The following RAG1 variants were observed in gnomAD, a reference collection of about 807,000 sequenced individuals.
RAG1 encodes the protein recombination activating 1.
A neutral mutation model predicts 62.7 loss-of-function variants in RAG1; 35 were observed. The ratio of observed to expected loss-of-function variants is 0.56; its 90% CI spans 0.43 to 0.74. The LOEUF is 0.74. Ranked by LOEUF, RAG1 falls within the 30% of genes least tolerant of loss-of-function variation. The probability of loss-of-function intolerance (pLI) is 0.00; values close to 1 mark genes in which losing one functional copy is unlikely to be tolerated. For synonymous variants in RAG1, 461 were observed against 470.3 expected (o/e 0.98, Z 0.26); for missense variants, 1,169 against 1,278.6 (o/e 0.91, Z 1.31).
At chr11:36,511,020 C>A (rs331449) in exon 1 of RAG1, 1 of 152,130 alleles carries the variant, frequency 6.6e-6, no homozygotes, top group African/African-American at 2.4e-5. Context: ...GTTTTTCCTA[C>A]AATAAATGTG....
chr11:36,543,216 C>T (rs1317014636), intron 3 of RAG1, among the ~76,000 whole-genome samples: 1 of 152,186 alleles, frequency 6.6e-6, no homozygotes, highest in Non-Finnish European at 1.5e-5. Context: ...AGACCCCAGT[C>T]TCTGTGGACA....
At chr11:36,517,307 C>T (rs184111286) in intron 1 of RAG1, among the ~76,000 whole-genome samples, 1 of 152,188 alleles carries the variant, frequency 6.6e-6, no homozygotes, top group Admixed American at 6.5e-5. Context: ...CAAATTGTCT[C>T]TTGTGAGGCT....
chr11:36,577,297 TAC>T lies in RAG1; in HGVS notation c.*863_*864del, dbSNP rs1850866950. Reference sequence around the variant, plus strand: ...AGTTTCCAAATTTAGAGCTTCTGCATACAGTCTTAAAGCCACAGAGGCTTGTA... The same window carrying T: ...AGTTTCCAAATTTAGAGCTTCTGCATAGTCTTAAAGCCACAGAGGCTTGTA... On this transcript the variant is annotated 3_prime_UTR_variant, in exon 2 of 2. Transcript: ENST00000299440. The T allele has an allele frequency of 6.0e-6, 1 of 167,216 alleles. No homozygotes were observed. The highest frequency in any genetic ancestry group is 2.4e-5 in the African/African-American group (1 of 41,590). The allele number at this position is 167,216 out of a possible 1,614,324, so 10.4% of individuals were successfully genotyped here.
intron 1 of RAG1, among the ~76,000 whole-genome samples, chr11:36,568,584 T>C (rs1850692989): frequency 6.6e-6 from 1 of 152,224 alleles, no homozygotes; most frequent in Non-Finnish European, 1.5e-5. Context: ...CTCAAAATAT[T>C]CACTCATTTT....
Position 36,573,678 on chromosome 11 carries a change from GGA to G in RAG1, c.377_378del (p.Arg126IlefsTer10). 1 of 1,614,154 alleles carries G rather than the reference GGA, an allele frequency of 6.2e-7. No homozygotes were observed. The highest frequency in any genetic ancestry group is 8.5e-7 in the Non-Finnish European group (1 of 1,180,036). On this transcript the variant is annotated frameshift_variant, in exon 2 of 2. Transcript: ENST00000299440. LOFTEE classifies it high-confidence loss of function. ...TCTTTTAGAGCTGATGAGCACAACAGGAGATATCCAGTCCATGGTCCTGTGGA... is the reference window on the plus strand; with the variant it reads ...TCTTTTAGAGCTGATGAGCACAACAGGATATCCAGTCCATGGTCCTGTGGA...
chr11:36,535,643 C>T lies in RAG1; in HGVS notation n.429-316C>T, dbSNP rs185440742. Among the ~76,000 whole-genome samples, 28 of 152,106 alleles carry T rather than the reference C, an allele frequency of 1.8e-4. No homozygotes were observed. In the East Asian group the frequency reaches 5.2e-3, roughly 28 times the overall value. On this transcript the variant is annotated intron_variant and non_coding_transcript_variant, in intron 2 of 2. Coordinates refer to the RAG1 transcript ENST00000529126. ...CCTGTAATCCCAGCTACTCAGGAGG[C>T]TGAGGCAGAAGAATTCACTTGAACC...
chr11:36,558,143 T>G (rs7113091), intron 3 of RAG1, among the ~76,000 whole-genome samples: 2,015 of 152,340 alleles, frequency 0.013, 52 homozygotes, highest in African/African-American at 0.045. Flanking sequence ...AGATACTTGA[T>G]ATGATTTCAG....
chr11:36,518,693 G>T (rs566209923), intron 1 of RAG1, among the ~76,000 whole-genome samples: 159 of 152,210 alleles, frequency 1.0e-3, no homozygotes, highest in African/African-American at 3.5e-3. Flanking sequence ...GGGTTATTTG[G>T]TTTTTTTCTT....
Position 36,574,841 on chromosome 11 carries a change from C to A in RAG1, c.1537C>A (p.Leu513Ile). Residue 513 changes from leucine to isoleucine, a missense_variant, in exon 2 of 2, where the codon CTT (leucine) becomes ATT (isoleucine). This residue lies in a region of RAG1 where 800 missense variants were observed against 943.3 expected (regional missense o/e 0.85). Transcript: ENST00000299440. ...TGCCCTTCGGAATGCTGAGAAGGTACTTCTGCCAGGCTACCACCACTTTGA... is the reference window on the plus strand; with the variant it reads ...TGCCCTTCGGAATGCTGAGAAGGTAATTCTGCCAGGCTACCACCACTTTGA... ...LHALRNAEKVLLPGYHHFEWQ... is the reference protein window; with the variant it reads ...LHALRNAEKVILPGYHHFEWQ... 6.2e-7 allele frequency: 1 copy of A among 1,614,252 alleles called. No individual in the cohort carries two copies. Among genetic ancestry groups the A allele is most frequent in the Non-Finnish European group, 8.5e-7 (1 of 1,180,050 alleles).
intron 1 of RAG1, among the ~76,000 whole-genome samples, chr11:36,513,244 T>G (rs1859951757): frequency 6.6e-6 from 1 of 152,226 alleles, no homozygotes; most frequent in African/African-American, 2.4e-5. Context: ...AGTAAATTTC[T>G]GTTCATTATA....
chr11:36,533,462 T>C (rs1860284083), intron 2 of RAG1, among the ~76,000 whole-genome samples: 1 of 152,208 alleles, frequency 6.6e-6, no homozygotes, highest in Non-Finnish European at 1.5e-5. Flanking sequence ...CTACTTAACA[T>C]TCAGGGGCAT....
chr11:36,574,166 G>T lies in RAG1; in HGVS notation c.862G>T (p.Val288Leu). The T allele has an allele frequency of 6.2e-7, 1 of 1,614,220 alleles. No individual in the cohort carries two copies. Among genetic ancestry groups the T allele is most frequent in the Non-Finnish European group, 8.5e-7 (1 of 1,180,038 alleles). Residue 288 changes from valine to leucine, a missense_variant, in exon 2 of 2, where the codon GTG (valine) becomes TTG (leucine). This residue lies in a region of RAG1 where 800 missense variants were observed against 943.3 expected (regional missense o/e 0.85). Transcript: ENST00000299440. ...TGCAGTGGACTTCCCAGAGCACTTTGTGAAATCCATCTCCTGCCAGATCTG... is the reference window on the plus strand; with the variant it reads ...TGCAGTGGACTTCCCAGAGCACTTTTTGAAATCCATCTCCTGCCAGATCTG... Reference protein sequence around the residue: ...LLAVDFPEHFVKSISCQICEH... With the variant: ...LLAVDFPEHFLKSISCQICEH...
intron 1 of RAG1, among the ~76,000 whole-genome samples, chr11:36,519,384 T>A (rs1860043742): frequency 6.6e-6 from 1 of 152,228 alleles, no homozygotes; most frequent in African/African-American, 2.4e-5. Flanking sequence ...TTTAGTTGCA[T>A]TGCTCTTAAA....
downstream of RAG1, among the ~76,000 whole-genome samples, chr11:36,536,904 G>A (rs929870812): frequency 3.6e-5 from 5 of 140,770 alleles, no homozygotes; most frequent in Admixed American, 6.9e-5. Flanking sequence ...GACTACAGGC[G>A]CCTGCCACCA....
downstream of RAG1, among the ~76,000 whole-genome samples, chr11:36,537,798 T>C (rs1041720202): frequency 1.3e-5 from 2 of 152,192 alleles, no homozygotes; most frequent in Non-Finnish European, 2.9e-5. Context: ...CAGTTATCTT[T>C]GGGGGAACAC....
intron 1 of RAG1, among the ~76,000 whole-genome samples, chr11:36,516,173 C>G (rs1193897365): frequency 6.6e-6 from 1 of 152,184 alleles, no homozygotes; most frequent in Non-Finnish European, 1.5e-5. Flanking sequence ...ATGTACCAGC[C>G]AGAGGATGTA....
chr11:36,575,396 C>T lies in RAG1; in HGVS notation c.2092C>T (p.Leu698Phe), dbSNP rs1166611036. 1.2e-6 allele frequency: 2 copies of T among 1,613,906 alleles called. No homozygotes were observed. Among genetic ancestry groups the T allele is most frequent in the Non-Finnish European group, 1.7e-6 (2 of 1,179,832 alleles). ...SELMLELGGI[L>F]RTFKFIFRGT... ...ATTAATGCTTGAGCTGGGAGGCATT[C>T]TCCGGACTTTCAAGTTCATCTTCAG... The change falls in exon 2 of 2, where the codon CTC (leucine) becomes TTC (phenylalanine). Residue 698 changes from leucine (L) to phenylalanine (F), a missense_variant. By Grantham distance (22) the Leu-to-Phe change is conservative. Coordinates refer to ENST00000299440, the MANE Select transcript of RAG1 (RefSeq NM_000448.3). This position sits in a 1 kb window ranked among gnomAD's most constrained non-coding sequence, Gnocchi z 4.1.
intron 3 of RAG1, among the ~76,000 whole-genome samples, chr11:36,551,601 C>CTTTTTT (rs199642455): frequency 2.8e-4 from 37 of 133,174 alleles, no homozygotes; most frequent in Non-Finnish European, 4.0e-4. Context: ...TTAATTACTT[C>CTTTTTT]TTTTTTTTTT....
intron 2 of RAG1, among the ~76,000 whole-genome samples, chr11:36,528,226 TGA>T (rs1860196231): frequency 6.6e-6 from 1 of 152,116 alleles, no homozygotes; most frequent in East Asian, 1.9e-4. Context: ...ATTCTAAAAT[TGA>T]CCACAAGGTT....
Sources: gnomAD v4.1 joint callset for allele counts (sites outside exome capture counted in the v4.1 genomes callset) on GRCh38, gnomAD v4.1.1 for gene constraint, gnomAD v4.1.1 regional missense constraint, Gnocchi (gnomAD v3.1) non-coding constraint, MANE v1.5 for transcripts, NCBI Gene and HGNC (gene_info 2026-07-23, HGNC 2026-07-21) for gene names.